Variants in WWP2 observed in about 807,000 individuals in gnomAD.
The protein encoded by WWP2 is NEDD4-like E3 ubiquitin-protein ligase WWP2.
WWP2 carries 57 observed loss-of-function variants against 121.0 expected under a neutral mutation model. That is an observed-to-expected ratio of 0.47 (90% CI 0.38 to 0.59). WWP2 has a LOEUF of 0.59. Ranked by LOEUF, WWP2 falls within the 20% of genes least tolerant of loss-of-function variation. WWP2 has a pLI of 0.00. For synonymous variants in WWP2, 449 were observed against 441.3 expected (o/e 1.02, Z -0.22); for missense variants, 962 against 1,158.9 (o/e 0.83, Z 2.47).
At chr16:69,933,505 G>T (rs1221396944) in intron 16 of WWP2, among the ~76,000 whole-genome samples, 1 of 152,132 alleles carries the variant, frequency 6.6e-6, no homozygotes, top group Non-Finnish European at 1.5e-5. Context: ...GTGTATTTAC[G>T]TTATGTTGCC....
chr16:69,932,131 A>G (rs909012178), intron 16 of WWP2, among the ~76,000 whole-genome samples: 6 of 152,208 alleles, frequency 3.9e-5, no homozygotes, highest in Admixed American at 2.6e-4. Flanking sequence ...GGGGTTCGAG[A>G]CCAGCCTGAC....
intron 7 of WWP2, among the ~76,000 whole-genome samples, chr16:69,881,220 A>G (rs1020582404): frequency 6.8e-6 from 1 of 146,954 alleles, no homozygotes; most frequent in Admixed American, 6.6e-5. Context: ...TTTGGGAAAC[A>G]TCAAAGCTGT....
At chr16:69,921,743 C>T (rs1000792272) in intron 10 of WWP2, among the ~76,000 whole-genome samples, 5 of 152,084 alleles carry the variant, frequency 3.3e-5, no homozygotes, top group African/African-American at 9.7e-5. Context: ...ATCACACGGC[C>T]GACAATTTCT....
At chr16:69,765,470 C>G (rs2038707907) in intron 1 of WWP2, among the ~76,000 whole-genome samples, 1 of 152,088 alleles carries the variant, frequency 6.6e-6, no homozygotes, top group Non-Finnish European at 1.5e-5. Flanking sequence ...ACATTGATAA[C>G]TAAGTATAAT....
At chr16:69,910,792 G>C (rs1289843613) in intron 9 of WWP2, among the ~76,000 whole-genome samples, 1 of 152,150 alleles carries the variant, frequency 6.6e-6, no homozygotes, top group African/African-American at 2.4e-5. Context: ...TTTAAGTAAA[G>C]ATATTCAGTG....
intron 4 of WWP2, among the ~76,000 whole-genome samples, chr16:69,811,150 A>G (rs1401524739): frequency 6.6e-6 from 1 of 152,020 alleles, no homozygotes; most frequent in Non-Finnish European, 1.5e-5. Context: ...TTCTTTCTAC[A>G]TTGTTAGCAG....
chr16:69,877,633 A>G (rs1333050551), intron 7 of WWP2, among the ~76,000 whole-genome samples: 1 of 151,860 alleles, frequency 6.6e-6, no homozygotes, highest in Non-Finnish European at 1.5e-5. Context: ...CACCTTCCTT[A>G]TCACTAAACT....
intron 9 of WWP2, chr16:69,909,120 C>A: frequency 8.8e-7 from 1 of 1,140,632 alleles, no homozygotes; most frequent in Non-Finnish European, 1.1e-6. Flanking sequence ...TATGCCCAGC[C>A]TGTCCCTAAA....
At chr16:69,787,370 C>T (rs2055816288) in intron 2 of WWP2, among the ~76,000 whole-genome samples, 2 of 152,114 alleles carry the variant, frequency 1.3e-5, no homozygotes, top group Non-Finnish European at 2.9e-5. Flanking sequence ...AGGAGGATCC[C>T]TTAAGCCCAG....
chr16:69,908,034 G>A (rs751068536), intron 8 of WWP2, among the ~76,000 whole-genome samples: 8 of 152,018 alleles, frequency 5.3e-5, no homozygotes, highest in Non-Finnish European at 1.2e-4. Context: ...TGAGCTCAGG[G>A]GTTCCAGACC....
At chr16:69,909,297 T>G (rs1323352773) in intron 9 of WWP2, 8 of 988,226 alleles carry the variant, frequency 8.1e-6, no homozygotes, top group African/African-American at 1.7e-5. Context: ...ATGTGTCTCC[T>G]GGTCCCGAGA....
chr16:69,798,606 GC>G, intron 2 of WWP2, 75 bp from the exon 3 acceptor site: 1 of 1,488,122 alleles, frequency 6.7e-7, no homozygotes, highest in Non-Finnish European at 9.0e-7. Context: ...ACTAAAAAGA[GC>G]CGGAACATCT....
At chr16:69,901,194 T>C (rs1291057311) in intron 8 of WWP2, among the ~76,000 whole-genome samples, 1 of 152,184 alleles carries the variant, frequency 6.6e-6, no homozygotes, top group East Asian at 1.9e-4. Context: ...TGGCCAAAGC[T>C]TGGAGGAAGA....
In WWP2 at chr16:69,908,786, G is replaced by A. The variant is rs775990884; in HGVS notation, c.940G>A (p.Gly314Arg). Residue 314 changes from glycine (G) to arginine (R), a missense_variant, in exon 9 of 24, where the codon GGA becomes AGA. This residue lies in a region of WWP2 where 606 missense variants were observed against 772.6 expected (regional missense o/e 0.78). Coordinates refer to ENST00000359154, the MANE Select transcript of WWP2 (RefSeq NM_001270454.2). Reference protein sequence around the residue: ...AGWEQRELPNGRVYYVDHNTK... With the variant: ...AGWEQRELPNRRVYYVDHNTK... The stretch of plus-strand genomic sequence containing the variant: ...ATGGGAACAGCGAGAGCTGCCCAAC[G>A]GACGTGTCTATTATGTTGACCACAA... The A allele has an allele frequency of 2.7e-5, 44 of 1,614,054 alleles. No individual in the cohort carries two copies. The highest frequency in any genetic ancestry group is 3.0e-5 in the Non-Finnish European group (35 of 1,180,022).
intron 7 of WWP2, among the ~76,000 whole-genome samples, chr16:69,879,923 A>G (rs1040440673): frequency 1.8e-4 from 27 of 152,252 alleles, no homozygotes; most frequent in Admixed American, 7.2e-4. Flanking sequence ...AGGCCTGTGC[A>G]TTTAAAAAAT....
intron 1 of WWP2, among the ~76,000 whole-genome samples, chr16:69,770,084 A>G (rs1027945224): frequency 2.6e-5 from 4 of 151,670 alleles, no homozygotes; most frequent in African/African-American, 9.7e-5. Context: ...CTGGTCTCGA[A>G]CTCCTGAGCT....
At chr16:69,918,878 C>G (rs981696072) in intron 10 of WWP2, among the ~76,000 whole-genome samples, 1 of 139,814 alleles carries the variant, frequency 7.2e-6, no homozygotes, top group Non-Finnish European at 1.5e-5. Flanking sequence ...GAGTCTTGCT[C>G]TGTTGCCCAT....
At chr16:69,778,829 G>A (rs888268459) in intron 1 of WWP2, among the ~76,000 whole-genome samples, 3 of 151,652 alleles carry the variant, frequency 2.0e-5, no homozygotes, top group Admixed American at 1.3e-4. Context: ...TCATAGAGAC[G>A]GGGGTCTCAC....
intron 8 of WWP2, among the ~76,000 whole-genome samples, chr16:69,899,495 C>G (rs568450630): frequency 6.6e-6 from 1 of 152,070 alleles, no homozygotes; most frequent in South Asian, 2.1e-4. Context: ...TTCGCGAGGC[C>G]GAGGCAGGTG....
Sources: gnomAD v4.1 joint callset for allele counts (sites outside exome capture counted in the v4.1 genomes callset) on GRCh38, gnomAD v4.1.1 for gene constraint, gnomAD v4.1.1 regional missense constraint, MANE v1.5 for transcripts, NCBI Gene and HGNC (gene_info 2026-07-23, HGNC 2026-07-21) for gene names.